The following ST13 variants were observed in gnomAD, a reference collection of about 807,000 sequenced individuals.
ST13 encodes the protein ST13 Hsp70 interacting protein.
ST13 carries 23 observed loss-of-function variants against 56.7 expected under a neutral mutation model. That is an observed-to-expected ratio of 0.41 (90% confidence interval 0.29 to 0.57). The LOEUF is 0.57. Ranked by LOEUF, ST13 falls within the 20% of genes least tolerant of loss-of-function variation. The pLI, the probability that ST13 is intolerant of heterozygous loss-of-function variation, is 0.36. For synonymous variants in ST13, 132 were observed against 142.4 expected (o/e 0.93, Z 0.52); for missense variants, 369 against 459.9 (o/e 0.80, Z 1.81).
intron 5 of ST13, among the ~76,000 whole-genome samples, chr22:40,836,116 T>C (rs6002175): frequency 1.1e-4 from 17 of 152,274 alleles, no homozygotes; most frequent in African/African-American, 3.4e-4. Flanking sequence ...TAACTAACAA[T>C]AGAATAGCAC....
chr22:40,837,036 G>T (rs535409016), intron 5 of ST13, among the ~76,000 whole-genome samples: 1 of 152,160 alleles, frequency 6.6e-6, no homozygotes, highest in Non-Finnish European at 1.5e-5. Context: ...GGCTGCTCTC[G>T]AACTCCTGGG....
intron 2 of ST13, among the ~76,000 whole-genome samples, 195 bp from the exon 3 acceptor site, chr22:40,848,564 C>A (rs1410445724): frequency 6.6e-6 from 1 of 152,024 alleles, no homozygotes; most frequent in East Asian, 1.9e-4. Flanking sequence ...CTGGCCAACA[C>A]GGTGAAACCA....
intron 2 of ST13, among the ~76,000 whole-genome samples, chr22:40,848,636 G>C (rs2057845235): frequency 1.3e-5 from 2 of 152,088 alleles, no homozygotes; most frequent in Non-Finnish European, 2.9e-5. Context: ...CCAGCCACTT[G>C]GGAGGCTGAG....
rs1406765965 is a variant in ST13, at chr22:40,856,585, C to T, written c.-45G>A. The T allele has an allele frequency of 2.0e-6, 3 of 1,531,664 alleles. No homozygotes were observed. The highest frequency in any genetic ancestry group is 2.2e-5 in the South Asian group (2 of 89,434). 94.9% of individuals were successfully genotyped at this position (1,531,664 alleles called of 1,614,324 possible). A position where few individuals can be genotyped will look rare whatever the true frequency, so the allele number is the denominator to read the frequency against. On this transcript the variant is annotated 5_prime_UTR_variant, in exon 1 of 12. Coordinates refer to ENST00000216218, the MANE Select transcript of ST13 (RefSeq NM_003932.5). ...AAACTGGGGGGGCTACGGCCCGGTT[C>T]CAGGCCCAGGCGCTGGCTCGGCGTG...
Position 40,844,906 on chromosome 22 carries a change from A to C in ST13, c.248T>G (p.Ile83Ser), listed in dbSNP as rs2057823286. 1 of 1,612,078 alleles carries C rather than the reference A, an allele frequency of 6.2e-7. No individual in the cohort carries two copies. The highest frequency in any genetic ancestry group is 1.1e-5 in the South Asian group (1 of 90,758). The change falls in exon 4 of 12, where the codon ATT becomes AGT. Residue 83 changes from isoleucine (I) to serine (S), a missense_variant. Physicochemically the swap from Ile to Ser is moderately radical, Grantham distance 142. Around this residue, in one of 3 missense-constraint regions of ST13, gnomAD observed 169 missense variants for 175.6 expected, o/e 0.96. Transcript: ENST00000216218. ...EPSSEESDLE[I>S]DKEGVIEPDT... ...TGGTTCAATCACACCTTCTTTATCA[A>C]TTTCTGCCAAAGTCGAGAAAATGAC... is the stretch of plus-strand genomic sequence containing the variant.
intron 2 of ST13, among the ~76,000 whole-genome samples, chr22:40,849,558 G>C (rs2057850717): frequency 6.7e-6 from 1 of 149,692 alleles, no homozygotes; most frequent in Middle Eastern, 3.5e-3. Context: ...CCTATAAAAT[G>C]TGCAAAGTCT....
intron 1 of ST13, among the ~76,000 whole-genome samples, chr22:40,854,913 T>C (rs963737553): frequency 1.3e-5 from 2 of 152,162 alleles, no homozygotes; most frequent in Non-Finnish European, 2.9e-5. Flanking sequence ...GTTTGCAAAA[T>C]AGACTTCTTA....
chr22:40,848,066 A>C (rs568810508), intron 3 of ST13, among the ~76,000 whole-genome samples: 206 of 152,034 alleles, frequency 1.4e-3, no homozygotes, highest in African/African-American at 4.7e-3. Context: ...CAAAAAAACA[A>C]AAAAAAATAT....
At chr22:40,851,816 G>A (rs1285558648) in intron 1 of ST13, among the ~76,000 whole-genome samples, 1 of 151,636 alleles carries the variant, frequency 6.6e-6, no homozygotes, top group African/African-American at 2.4e-5. Flanking sequence ...CACAATCTTG[G>A]CTCACTGCAA....
intron 10 of ST13, 84 bp from the exon 11 acceptor site, chr22:40,827,313 G>C: frequency 7.0e-7 from 1 of 1,419,198 alleles, no homozygotes; most frequent in South Asian, 1.2e-5. Flanking sequence ...CAGGTTCAAA[G>C]AATATGGGTG....
chr22:40,836,654 T>C (rs1388028694), intron 5 of ST13, among the ~76,000 whole-genome samples: 1 of 152,136 alleles, frequency 6.6e-6, no homozygotes, highest in Non-Finnish European at 1.5e-5. Flanking sequence ...TTCAAAGAAA[T>C]GGTACAAAAA....
intron 5 of ST13, among the ~76,000 whole-genome samples, chr22:40,838,386 A>T (rs963185150): frequency 6.6e-6 from 1 of 152,224 alleles, no homozygotes; most frequent in East Asian, 1.9e-4. Flanking sequence ...ATGAACAGAG[A>T]GTTCAGAAAA....
At position 40,836,538 on chromosome 22, in the gene ST13, T is replaced by C. The variant is rs532269700; in HGVS notation, c.383-651A>G. Among the ~76,000 whole-genome samples, 32 of 152,134 alleles carry C rather than the reference T, an allele frequency of 2.1e-4. No individual in the cohort carries two copies. In the South Asian group the frequency reaches 6.6e-3, roughly 32 times the overall value. ...ATTTTATTCCATTGATTTTCTTTTA[T>C]CCATTAAATTAAAAAGAAAAAATTA... On this transcript the variant is annotated intron_variant, in intron 5 of 11. Transcript: ENST00000216218.
chr22:40,839,642 G>C (rs2057793503), intron 5 of ST13, among the ~76,000 whole-genome samples: 1 of 151,896 alleles, frequency 6.6e-6, no homozygotes, highest in African/African-American at 2.4e-5. Context: ...GCACACGCCT[G>C]TAATCCCAGC....
chr22:40,846,728 C>CA (rs1373659697), intron 3 of ST13, among the ~76,000 whole-genome samples: 15 of 152,228 alleles, frequency 9.9e-5, no homozygotes, highest in African/African-American at 2.6e-4. Context: ...CGTGGTGGCT[C>CA]ACACCTGTAA....
At chr22:40,848,429 T>G in intron 2 of ST13, 60 bp from the exon 3 acceptor site, 1 of 1,153,138 alleles carries the variant, frequency 8.7e-7, no homozygotes, top group Admixed American at 1.7e-5. Context: ...ATATTTATAC[T>G]AATTTCTACA....
chr22:40,838,451 T>C (rs987629937), intron 5 of ST13, among the ~76,000 whole-genome samples: 4 of 152,092 alleles, frequency 2.6e-5, no homozygotes, highest in African/African-American at 9.7e-5. Flanking sequence ...TTTTGTTACA[T>C]ATTGCCGAGA....
At chr22:40,827,003 A>G in intron 11 of ST13, 93 bp downstream of exon 11, 2 of 1,385,042 alleles carry the variant, frequency 1.4e-6, no homozygotes, top group Non-Finnish European at 2.0e-6. Context: ...GATAAATAAA[A>G]AATAGCTATG....
chr22:40,850,772 G>A, intron 2 of ST13, 51 bp downstream of exon 2: 1 of 1,414,402 alleles, frequency 7.1e-7, no homozygotes, highest in Non-Finnish European at 9.8e-7. Context: ...CAACCCCTAA[G>A]AAATCTTATA....
Sources: allele counts gnomAD v4.1 joint callset (sites outside exome capture counted in the v4.1 genomes callset), GRCh38; gene constraint gnomAD v4.1.1; regional missense constraint gnomAD v4.1.1; transcripts MANE v1.5; gene names NCBI Gene and HGNC (gene_info 2026-07-23, HGNC 2026-07-21).